Variants in ARHGEF10L observed in about 807,000 individuals in gnomAD.
The protein encoded by ARHGEF10L is Rho guanine nucleotide exchange factor 10 like.
Under a neutral mutation model 141.2 loss-of-function variants are expected in ARHGEF10L, and 69 were observed. The observed-to-expected ratio is 0.49, with a 90% CI of 0.40 to 0.60. The LOEUF (loss-of-function observed/expected upper bound fraction) is 0.60, where lower values mean the gene tolerates loss of function less well. ARHGEF10L is among the 20% of genes least tolerant of loss of function. The pLI is 0.00. For synonymous variants in ARHGEF10L, 711 were observed against 718.5 expected, an observed-to-expected ratio of 0.99 and a Z score of 0.17; for missense variants, 1,482 against 1,734.3, an observed-to-expected ratio of 0.85 and a Z score of 2.58.
At chr1:17,588,355 C>T in intron 3 of ARHGEF10L, 91 bp from the exon 4 acceptor site, 4 of 1,476,828 alleles carry the variant, frequency 2.7e-6, no homozygotes, top group Non-Finnish European at 3.8e-6. Context: ...CTGCGGCGCC[C>T]CTGGGGAGGC....
In ARHGEF10L at chr1:17,634,937, CGGT is replaced by C; in HGVS notation, c.1851_1853del (p.Gly618del). ...TGCAGGTGGTGGAGGTGGGCCAGGACGGTGGCACCTATGACAAGGACAATGTGC... is the reference window on the plus strand; with the variant it reads ...TGCAGGTGGTGGAGGTGGGCCAGGACGGCACCTATGACAAGGACAATGTGC... On this transcript the variant is annotated inframe_deletion, in exon 18 of 29. Coordinates refer to ENST00000361221, the MANE Select transcript of ARHGEF10L (RefSeq NM_018125.4). The C allele has an allele frequency of 1.9e-6, 3 of 1,614,110 alleles. No homozygotes were observed. The highest frequency in any genetic ancestry group is 2.5e-6 in the Non-Finnish European group (3 of 1,179,982).
At chr1:17,543,940 G>A (rs1480376440) in intron 1 of ARHGEF10L, among the ~76,000 whole-genome samples, 3 of 150,996 alleles carry the variant, frequency 2.0e-5, no homozygotes, top group East Asian at 2.0e-4. Flanking sequence ...GAGCCACCGC[G>A]CCTGGCTGCT....
At chr1:17,657,934 G>A (rs747897575) in intron 25 of ARHGEF10L, among the ~76,000 whole-genome samples, 2 of 152,196 alleles carry the variant, frequency 1.3e-5, no homozygotes, top group Non-Finnish European at 2.9e-5. Context: ...GGGTTGGAAG[G>A]AGGTGAGGCT....
At chr1:17,683,805 G>A (rs1228489459) in intron 26 of ARHGEF10L, among the ~76,000 whole-genome samples, 3 of 152,180 alleles carry the variant, frequency 2.0e-5, no homozygotes, top group Non-Finnish European at 4.4e-5. Context: ...TTCCACCACC[G>A]ACTTCTCTTT....
intron 8 of ARHGEF10L, among the ~76,000 whole-genome samples, chr1:17,614,310 A>G (rs1225453269): frequency 6.6e-6 from 1 of 152,226 alleles, no homozygotes; most frequent in African/African-American, 2.4e-5. Context: ...CAGGAAGCCA[A>G]GGCTTAGAGA....
chr1:17,661,760 G>A (rs1241747592), intron 25 of ARHGEF10L, among the ~76,000 whole-genome samples: 1 of 152,238 alleles, frequency 6.6e-6, no homozygotes, highest in African/African-American at 2.4e-5. Context: ...GCCACTGGGG[G>A]GCGCTCAAAG....
the ARHGEF10L span, among the ~76,000 whole-genome samples, chr1:17,517,332 A>T: frequency 6.6e-6 from 1 of 152,144 alleles, no homozygotes; most frequent in Admixed American, 6.6e-5. Context: ...GTTTTTTATT[A>T]TTATTATTTA....
intron 27 of ARHGEF10L, 117 bp from the exon 28 acceptor site, chr1:17,695,041 C>G: frequency 6.6e-7 from 1 of 1,506,502 alleles, no homozygotes; most frequent in East Asian, 2.3e-5. Context: ...CACCGCCCAA[C>G]TTCTTGCTGG....
At chr1:17,696,350 A>G in intron 28 of ARHGEF10L, among the ~76,000 whole-genome samples, 1 of 152,192 alleles carries the variant, frequency 6.6e-6, no homozygotes, top group Middle Eastern at 3.4e-3. Flanking sequence ...CAGGGATGAA[A>G]TCGGGCAGAG....
intron 1 of ARHGEF10L, among the ~76,000 whole-genome samples, chr1:17,569,649 G>T (rs371690214): frequency 1.3e-5 from 2 of 152,314 alleles, no homozygotes; most frequent in East Asian, 3.9e-4. Context: ...GGCCTGGTTT[G>T]CTCTCTGTGG....
chr1:17,554,828 C>A (rs1379917677), intron 1 of ARHGEF10L, among the ~76,000 whole-genome samples: 1 of 152,058 alleles, frequency 6.6e-6, no homozygotes, highest in South Asian at 2.1e-4. Flanking sequence ...TGCGTTCAAG[C>A]GGTCTTTCTG....
rs2061091905 is a variant in ARHGEF10L at position 17,637,743 on chromosome 1, A to G, written c.1928-145A>G. The stretch of plus-strand genomic sequence containing the variant: ...ATGGTCTCGATCTCCTGACCTCGTG[A>G]TCTGCCTGCCTCGGCCTCCCAAAGT... On this transcript the variant is annotated intron_variant, in intron 18 of 28. Coordinates refer to ENST00000361221, the MANE Select transcript of ARHGEF10L (RefSeq NM_018125.4). The G allele has an allele frequency of 6.6e-6, 4 of 609,790 alleles. No individual in the cohort carries two copies. The Admixed American group carries it at 1.2e-4, about 18-fold the overall frequency. The allele number at this position is 609,790 out of a possible 1,614,324, so 37.8% of individuals were successfully genotyped here.
At chr1:17,523,544 A>G in the ARHGEF10L span, among the ~76,000 whole-genome samples, 4 of 152,206 alleles carry the variant, frequency 2.6e-5, no homozygotes, top group Non-Finnish European at 5.9e-5. Context: ...GCCCTGGGTC[A>G]CATAGCTGGT....
chr1:17,575,339 AG>A (rs2078177099), intron 1 of ARHGEF10L, among the ~76,000 whole-genome samples: 1 of 152,262 alleles, frequency 6.6e-6, no homozygotes, highest in African/African-American at 2.4e-5. Flanking sequence ...ATTTTTAAAA[AG>A]CTTCACAACT....
chr1:17,653,396 A>G (rs1453439472), intron 22 of ARHGEF10L, among the ~76,000 whole-genome samples: 2 of 152,104 alleles, frequency 1.3e-5, no homozygotes, highest in East Asian at 3.9e-4. Flanking sequence ...AGTATTTTCC[A>G]CCATCTTCGA....
At chr1:17,596,894 A>T (rs2080163379) in intron 4 of ARHGEF10L, among the ~76,000 whole-genome samples, 2 of 152,202 alleles carry the variant, frequency 1.3e-5, no homozygotes, top group African/African-American at 4.8e-5. Flanking sequence ...TCAACTAAAA[A>T]TACAAAAAAA....
intron 1 of ARHGEF10L, among the ~76,000 whole-genome samples, chr1:17,552,905 C>A (rs2077168985): frequency 6.6e-6 from 1 of 152,192 alleles, no homozygotes; most frequent in Non-Finnish European, 1.5e-5. Flanking sequence ...CTGTGGTCCC[C>A]CTTCAAACTT....
intron 1 of ARHGEF10L, among the ~76,000 whole-genome samples, chr1:17,547,380 G>A (rs1026377911): frequency 2.0e-5 from 3 of 152,172 alleles, no homozygotes. Context: ...CTGAGTTTTG[G>A]AACCCCTCTT....
At chr1:17,614,632 C>T (rs949141808) in intron 8 of ARHGEF10L, among the ~76,000 whole-genome samples, 1 of 151,674 alleles carries the variant, frequency 6.6e-6, no homozygotes, top group Non-Finnish European at 1.5e-5. Flanking sequence ...AGAAGATGAG[C>T]GTCTATGCCA....
Sources: gnomAD v4.1 joint callset for allele counts (sites outside exome capture counted in the v4.1 genomes callset) on GRCh38, gnomAD v4.1.1 for gene constraint, MANE v1.5 for transcripts, NCBI Gene and HGNC (gene_info 2026-07-23, HGNC 2026-07-21) for gene names.